The following TUSC3 variants were observed in gnomAD, a reference collection of about 807,000 sequenced individuals.
The protein encoded by TUSC3 is tumor suppressor candidate 3.
TUSC3 carries 45 observed loss-of-function variants against 44.8 expected under a neutral mutation model. That is an observed-to-expected ratio of 1.00 (90% confidence interval 0.79 to 1.29). TUSC3 has a LOEUF of 1.29. Among genes scored for constraint, TUSC3 ranks in the 50% most tolerant of loss-of-function variants. The pLI is 0.00. For synonymous variants in TUSC3, 212 were observed against 152.9 expected (o/e 1.39, Z -2.85); for missense variants, 519 against 437.9 (o/e 1.19, Z -1.65).
chr8:15,689,138 AT>A, intron 6 of TUSC3: 1 of 395,756 alleles, frequency 2.5e-6, no homozygotes, highest in Non-Finnish European at 5.0e-6. Flanking sequence ...CTTCTAGCTC[AT>A]TTATCGCTTT....
intron 2 of TUSC3, among the ~76,000 whole-genome samples, chr8:15,628,911 T>C (rs1026733992): frequency 1.3e-5 from 2 of 152,190 alleles, no homozygotes; most frequent in African/African-American, 2.4e-5. Context: ...ATGGGAAATA[T>C]GTAGCTATGG....
At chr8:15,630,588 G>A (rs1805715105) in intron 2 of TUSC3, among the ~76,000 whole-genome samples, 2 of 152,120 alleles carry the variant, frequency 1.3e-5, no homozygotes, top group Non-Finnish European at 2.9e-5. Context: ...GTTCAGGGTT[G>A]CGATTTGTGA....
chr8:15,699,117 G>A (rs1046429700), intron 6 of TUSC3, among the ~76,000 whole-genome samples: 3 of 152,054 alleles, frequency 2.0e-5, no homozygotes, highest in South Asian at 4.1e-4. Flanking sequence ...CAAAGTACCA[G>A]GATTACAGAG....
intron 7 of TUSC3, among the ~76,000 whole-genome samples, chr8:15,742,944 T>C (rs1811256323): frequency 6.6e-6 from 1 of 152,226 alleles, no homozygotes; most frequent in Non-Finnish European, 1.5e-5. Context: ...ACAAGTAATT[T>C]TGTGATCTCA....
chr8:15,530,247 C>A (rs1057085066), intron 2 of TUSC3, among the ~76,000 whole-genome samples: 1 of 152,014 alleles, frequency 6.6e-6, no homozygotes, highest in African/African-American at 2.4e-5. Context: ...AAAGGAAACA[C>A]ACTGAATATC....
the TUSC3 span, among the ~76,000 whole-genome samples, chr8:15,827,166 C>G: frequency 6.6e-6 from 1 of 152,076 alleles, no homozygotes; most frequent in Non-Finnish European, 1.5e-5. Context: ...TCTCCATGAT[C>G]CTACGTAACT....
chr8:15,690,605 G>T (rs1047420418), intron 6 of TUSC3, among the ~76,000 whole-genome samples: 1 of 152,060 alleles, frequency 6.6e-6, no homozygotes, highest in African/African-American at 2.4e-5. Flanking sequence ...TATTTCCTGT[G>T]TTATCTTCTA....
chr8:15,781,097 G>A, the TUSC3 span, among the ~76,000 whole-genome samples: 1 of 152,172 alleles, frequency 6.6e-6, no homozygotes. Flanking sequence ...CACTTCCTGA[G>A]TGTTCTTTCC....
chr8:15,536,362 A>G (rs1801521306), upstream of TUSC3, among the ~76,000 whole-genome samples: 1 of 152,132 alleles, frequency 6.6e-6, no homozygotes, highest in South Asian at 2.1e-4. Context: ...TATTAAAAGG[A>G]TCACTCCAGA....
chr8:15,799,961 C>CCT, the TUSC3 span, among the ~76,000 whole-genome samples: 1 of 152,146 alleles, frequency 6.6e-6, no homozygotes, highest in Non-Finnish European at 1.5e-5. Context: ...TCAGATGGCC[C>CCT]CTGCACATTC....
At chr8:15,593,377 C>T (rs373687485) in intron 1 of TUSC3, among the ~76,000 whole-genome samples, 1 of 152,298 alleles carries the variant, frequency 6.6e-6, no homozygotes, top group African/African-American at 2.4e-5. Context: ...TGAGCCACCA[C>T]ACCCGGTCAG....
chr8:15,518,347 C>T (rs1251506066), intron 2 of TUSC3, among the ~76,000 whole-genome samples: 1 of 151,812 alleles, frequency 6.6e-6, no homozygotes, highest in African/African-American at 2.4e-5. Context: ...CAGTTTTATC[C>T]ATATAGTGTG....
chr8:15,707,547 A>G (rs1229756494), intron 6 of TUSC3, among the ~76,000 whole-genome samples: 1 of 152,006 alleles, frequency 6.6e-6, no homozygotes, highest in Non-Finnish European at 1.5e-5. Context: ...TGTAGGGGAA[A>G]TGATATGTAA....
At chr8:15,436,676 CA>C in intron 1 of TUSC3, among the ~76,000 whole-genome samples, 1 of 150,062 alleles carries the variant, frequency 6.7e-6, no homozygotes, top group Non-Finnish European at 1.5e-5. Flanking sequence ...TAATTACCTG[CA>C]AAAAACCCAG....
At chr8:15,630,040 T>TG (rs1805690784) in intron 2 of TUSC3, among the ~76,000 whole-genome samples, 1 of 152,120 alleles carries the variant, frequency 6.6e-6, no homozygotes, top group African/African-American at 2.4e-5. Context: ...AATTATACTG[T>TG]GGGGAATATT....
At chr8:15,738,918 T>C (rs1224737008) in intron 7 of TUSC3, among the ~76,000 whole-genome samples, 1 of 145,564 alleles carries the variant, frequency 6.9e-6, no homozygotes, top group African/African-American at 2.5e-5. Context: ...CTGCAACCTC[T>C]GCCTCCCAAG....
At chr8:15,806,452 G>C in the TUSC3 span, 1 of 817,468 alleles carries the variant, frequency 1.2e-6, no homozygotes, top group Non-Finnish European at 2.2e-6. Flanking sequence ...CACACATGTT[G>C]TCTTGACTTC....
At chr8:15,687,753 T>TA (rs1236898137) in intron 6 of TUSC3, among the ~76,000 whole-genome samples, 24 of 152,202 alleles carry the variant, frequency 1.6e-4, no homozygotes, top group Non-Finnish European at 3.5e-4. Context: ...ACGTGGCAGA[T>TA]ACTAAATAAA....
intron 2 of TUSC3, among the ~76,000 whole-genome samples, chr8:15,624,650 T>A (rs1235166032): frequency 1.3e-5 from 2 of 152,200 alleles, no homozygotes; most frequent in African/African-American, 4.8e-5. Context: ...CCTTTCTAAT[T>A]GGATTCTTTA....
Sources: allele counts gnomAD v4.1 joint callset (sites outside exome capture counted in the v4.1 genomes callset), GRCh38; gene constraint gnomAD v4.1.1; transcripts MANE v1.5; gene names NCBI Gene and HGNC (gene_info 2026-07-23, HGNC 2026-07-21).